Variants in INPP5D observed in about 807,000 individuals in gnomAD.
INPP5D encodes the protein inositol polyphosphate-5-phosphatase D.
A neutral mutation model predicts 122.9 loss-of-function variants in INPP5D; 33 were observed. That is an observed-to-expected ratio of 0.27 (90% CI 0.20 to 0.36). INPP5D has a LOEUF of 0.36. Ranked by LOEUF, INPP5D falls within the 10% of genes least tolerant of loss-of-function variation. The probability of loss-of-function intolerance (pLI) is 1.00; values close to 1 mark genes in which losing one functional copy is unlikely to be tolerated. For synonymous variants in INPP5D, 584 were observed against 576.2 expected (o/e 1.01, Z -0.19); for missense variants, 1,053 against 1,412.7 (o/e 0.75, Z 4.08).
At chr2:233,190,526 G>A (rs950331764) in intron 22 of INPP5D, among the ~76,000 whole-genome samples, 8 of 146,914 alleles carry the variant, frequency 5.4e-5, no homozygotes, top group Admixed American at 1.4e-4. Context: ...CTGAGGTGTC[G>A]TTCAGGGTCC....
intron 1 of INPP5D, 139 bp downstream of exon 1, chr2:233,060,751 C>A: frequency 8.1e-7 from 1 of 1,230,934 alleles, no homozygotes; most frequent in Non-Finnish European, 1.1e-6. Flanking sequence ...TGTCATGGAC[C>A]TTGTCCTTGG....
intron 10 of INPP5D, among the ~76,000 whole-genome samples, chr2:233,159,550 T>A (rs1282784593): frequency 9.2e-6 from 1 of 108,536 alleles, no homozygotes; most frequent in Non-Finnish European, 2.4e-5. Context: ...AAAAAATAGC[T>A]GGGTGTGGTG....
Position 233,170,750 on chromosome 2 carries a change from C to G in INPP5D, c.1900+146C>G, listed in dbSNP as rs1694472891. 31 of 1,245,498 alleles carry G rather than the reference C, an allele frequency of 2.5e-5. No homozygotes were observed. The highest frequency in any genetic ancestry group is 3.4e-5 in the Non-Finnish European group (31 of 924,556). The allele number at this position is 1,245,498 out of a possible 1,614,324, so 77.2% of individuals were successfully genotyped here. A position where few individuals can be genotyped will look rare whatever the true frequency, so the allele number is the denominator to read the frequency against. ...AACCCCGTCTCTACTTAAAAAAATA[C>G]AAAAAATTAGCCGGGTGTGGTGGCG... On this transcript the variant is annotated intron_variant, in intron 16 of 26. Coordinates refer to ENST00000445964, the MANE Select transcript of INPP5D (RefSeq NM_001017915.3). The surrounding 1 kb of genome is among the most constrained non-coding windows in gnomAD (Gnocchi z 4.5).
intron 20 of INPP5D, among the ~76,000 whole-genome samples, chr2:233,185,040 CTG>C (rs1004985758): frequency 1.1e-4 from 17 of 152,152 alleles, no homozygotes; most frequent in African/African-American, 3.1e-4. Flanking sequence ...TTAGCACAAA[CTG>C]TGTTTAGGAA....
intron 5 of INPP5D, among the ~76,000 whole-genome samples, chr2:233,133,788 C>T (rs1693395108): frequency 6.6e-6 from 1 of 152,044 alleles, no homozygotes; most frequent in Admixed American, 6.6e-5. Flanking sequence ...GGAGGCACTG[C>T]CCAAAGCAGG....
At position 233,113,447 on chromosome 2, in the gene INPP5D, ATT is replaced by A. The variant is rs10709547; in HGVS notation, c.199-8651_199-8650del. ...ATTGTTTTGTTTTTGTTTTGTTTGT[ATT>A]TTTTTTTTCTATTAACAAAAGCCAC... On this transcript the variant is annotated intron_variant, in intron 2 of 26. Transcript: ENST00000445964. 2.1e-3 allele frequency among the ~76,000 whole-genome samples: 309 copies of A among 150,308 alleles called. 1 individual carries two copies. Among genetic ancestry groups the A allele is most frequent in the African/African-American group, 7.3e-3 (299 of 41,164 alleles).
intron 24 of INPP5D, 117 bp downstream of exon 24, chr2:233,195,612 C>T (rs1695164083): frequency 6.6e-7 from 1 of 1,505,458 alleles, no homozygotes; most frequent in Admixed American, 1.9e-5. Context: ...TTTGGGAGGC[C>T]AAGGCTGGAG....
rs567110776 is a variant in INPP5D at position 233,198,899 on chromosome 2, G to A, written c.2975+523G>A. Among the ~76,000 whole-genome samples, 379 of 148,078 alleles carry A rather than the reference G, an allele frequency of 2.6e-3. 5 individuals are homozygous for A. The highest frequency in any genetic ancestry group is 9.0e-3 in the African/African-American group (359 of 40,070). The stretch of plus-strand genomic sequence containing the variant: ...CAGGAGGTGGAGGTTGCGGTGCGCC[G>A]AGATTGCGCCACTGCACTCCAGCCT... On this transcript the variant is annotated intron_variant, in intron 25 of 26. Coordinates refer to ENST00000445964, the MANE Select transcript of INPP5D (RefSeq NM_001017915.3).
At chr2:233,130,390 C>T (rs1350817869) in intron 4 of INPP5D, 118 bp from the exon 5 acceptor site, 6 of 1,087,526 alleles carry the variant, frequency 5.5e-6, no homozygotes, top group Admixed American at 2.6e-5. Flanking sequence ...TTCTGAAGGA[C>T]GGTGTCCCCT....
rs1559353048 is a variant in INPP5D, at chr2:233,206,689, C to G, written c.3568-17C>G. 5.2e-6 allele frequency: 4 copies of G among 773,152 alleles called. No individual in the cohort carries two copies. The highest frequency in any genetic ancestry group is 9.6e-6 in the Non-Finnish European group (4 of 414,636). The allele number at this position is 773,152 out of a possible 1,614,324, so 47.9% of individuals were successfully genotyped here. On this transcript the variant is annotated splice_polypyrimidine_tract_variant and intron_variant, in intron 26 of 26. Transcript: ENST00000445964. The surrounding 1 kb of genome is among the most constrained non-coding windows in gnomAD (Gnocchi z 4.0). ...GTGAGAATGAGCCCTGACAGCCCTT[C>G]TGTTCTTGTCCCACAGTGAAGCCCT...
Position 233,170,537 on chromosome 2 carries a change from C to T in INPP5D, c.1833C>T (p.Tyr611=), listed in dbSNP as rs753509020. 43 of 1,613,624 alleles carry T rather than the reference C, an allele frequency of 2.7e-5. No individual in the cohort carries two copies. The highest frequency in any genetic ancestry group is 5.0e-5 in the Admixed American group (3 of 59,976). ...TIIQKIKQQQ[Y]ADLLSHDQLL... ...TCCAGAAAATCAAGCAGCAGCAGTA[C>T]GCAGACCTCCTGTCCCACGACCAGC... Residue 611 remains tyrosine (Y), a synonymous_variant, in exon 16 of 27, where the codon TAC becomes TAT. Coordinates refer to ENST00000445964, the MANE Select transcript of INPP5D (RefSeq NM_001017915.3). The surrounding 1 kb of genome is among the most constrained non-coding windows in gnomAD (Gnocchi z 4.5).
intron 9 of INPP5D, among the ~76,000 whole-genome samples, chr2:233,148,708 G>C (rs966317605): frequency 6.6e-6 from 1 of 152,104 alleles, no homozygotes; most frequent in East Asian, 1.9e-4. Context: ...TTCTTCATCT[G>C]GGTGGCCAAT....
chr2:233,198,108 A>T lies in INPP5D; in HGVS notation c.2707A>T (p.Ser903Cys). ...WEVTSRAPPC[S>C]GSSITEIINP... ...TCCTCCCTGCAGGGCCCCTCCGTGC[A>T]GTGGCTCCAGCATCACTGAAATCAT... Residue 903 changes from serine (S) to cysteine (C), a missense_variant, in exon 25 of 27, where the codon AGT (serine) becomes TGT (cysteine). Ser to Cys is a moderately radical substitution (Grantham distance 112, BLOSUM62 -1). This residue lies in a region of INPP5D where 417 missense variants were observed against 425.8 expected (regional missense o/e 0.98). Coordinates refer to ENST00000445964, the MANE Select transcript of INPP5D (RefSeq NM_001017915.3). The T allele has an allele frequency of 1.2e-6, 2 of 1,605,680 alleles. No homozygotes were observed. Among genetic ancestry groups the T allele is most frequent in the Non-Finnish European group, 8.5e-7 (1 of 1,174,792 alleles).
In INPP5D at chr2:233,170,597, A is replaced by G. The variant is rs767426513; in HGVS notation, c.1893A>G (p.Leu631=). 59 of 1,612,852 alleles carry G rather than the reference A, an allele frequency of 3.7e-5. No homozygotes were observed. Among genetic ancestry groups the G allele is most frequent in the Admixed American group, 1.7e-4 (10 of 59,960 alleles). ...AGAGGAGGGAGCAGAAGGTCTTCCTACACTTCGGTAAGAGCAGCAACCCCG... is the reference window on the plus strand; with the variant it reads ...AGAGGAGGGAGCAGAAGGTCTTCCTGCACTTCGGTAAGAGCAGCAACCCCG... ...LTERREQKVF[L]HFEEEEITFA... The change falls in exon 16 of 27, where the codon CTA becomes CTG. Residue 631 remains leucine (L), a synonymous_variant. Coordinates refer to ENST00000445964, the MANE Select transcript of INPP5D (RefSeq NM_001017915.3). The surrounding 1 kb of genome is among the most constrained non-coding windows in gnomAD (Gnocchi z 4.5).
rs1694674733 is a variant in INPP5D, at chr2:233,177,718, G to C, written c.2071+372G>C. ...CCTCCCCAAGCAGCTGGGATTACAGGCTCCTGCCACCATGCCTGGCTAATT... is the reference window on the plus strand; with the variant it reads ...CCTCCCCAAGCAGCTGGGATTACAGCCTCCTGCCACCATGCCTGGCTAATT... On this transcript the variant is annotated intron_variant, in intron 18 of 26. Coordinates refer to ENST00000445964, the MANE Select transcript of INPP5D (RefSeq NM_001017915.3). The surrounding 1 kb of genome is among the most constrained non-coding windows in gnomAD (Gnocchi z 4.2). Among the ~76,000 whole-genome samples the C allele has an allele frequency of 6.6e-6, 1 of 152,096 alleles. No homozygotes were observed. Among genetic ancestry groups the C allele is most frequent in the Admixed American group, 6.6e-5 (1 of 15,254 alleles).
intron 2 of INPP5D, among the ~76,000 whole-genome samples, chr2:233,099,034 G>A (rs976383097): frequency 2.0e-5 from 3 of 151,722 alleles, no homozygotes; most frequent in Non-Finnish European, 2.9e-5. Flanking sequence ...TCACTGCAAC[G>A]TCCGCCTCCT....
chr2:233,204,501 G>A lies in INPP5D; in HGVS notation c.3351G>A (p.Pro1117=), dbSNP rs1695430183. The A allele has an allele frequency of 1.9e-6, 3 of 1,582,388 alleles. No homozygotes were observed. Among genetic ancestry groups the A allele is most frequent in the Non-Finnish European group, 2.6e-6 (3 of 1,165,734 alleles). The part of the protein sequence containing the change: ...KTPVSSQAPV[P]AKRPIKPSRS... The stretch of plus-strand genomic sequence containing the variant: ...CGGTCAGCTCCCAGGCCCCGGTGCC[G>A]GCCAAGAGGCCCATCAAGCCTTCCA... The change falls in exon 26 of 27, where the codon CCG becomes CCA. Residue 1117 remains proline, a synonymous_variant. Transcript: ENST00000445964.
At chr2:233,108,147 C>T (rs550624468) in intron 2 of INPP5D, among the ~76,000 whole-genome samples, 11 of 152,310 alleles carry the variant, frequency 7.2e-5, no homozygotes, top group African/African-American at 1.9e-4. Flanking sequence ...CCACTGAGCC[C>T]GAGTGGCTTG....
In INPP5D at chr2:233,170,355, G is replaced by T; in HGVS notation, c.1792-141G>T. 6.7e-7 allele frequency: 1 copy of T among 1,490,170 alleles called. No individual in the cohort carries two copies. The highest frequency in any genetic ancestry group is 2.5e-5 in the East Asian group (1 of 40,550). 92.3% of individuals were successfully genotyped at this position (1,490,170 alleles called of 1,614,324 possible). On this transcript the variant is annotated intron_variant, in intron 15 of 26. Coordinates refer to ENST00000445964, the MANE Select transcript of INPP5D (RefSeq NM_001017915.3). This position sits in a 1 kb window ranked among gnomAD's most constrained non-coding sequence, Gnocchi z 4.5. ...TCACGGTTCCCCTGTGCTCACACCC[G>T]GTTCCCATAACTGTCACAGCCACCC...
Sources: gnomAD v4.1 joint callset for allele counts (sites outside exome capture counted in the v4.1 genomes callset) on GRCh38, gnomAD v4.1.1 for gene constraint, gnomAD v4.1.1 regional missense constraint, Gnocchi (gnomAD v3.1) non-coding constraint, MANE v1.5 for transcripts, NCBI Gene and HGNC (gene_info 2026-07-23, HGNC 2026-07-21) for gene names.